Variants in MAGI1 observed in about 807,000 individuals in gnomAD.
The protein encoded by MAGI1 is membrane-associated guanylate kinase, WW and PDZ domain-containing protein 1.
A neutral mutation model predicts 139.9 loss-of-function variants in MAGI1; 58 were observed. That is an observed-to-expected ratio of 0.41 (90% CI 0.34 to 0.52). The LOEUF (loss-of-function observed/expected upper bound fraction) is 0.52. MAGI1 is among the 20% of genes least tolerant of loss of function. The probability of loss-of-function intolerance (pLI) is 0.12; values close to 1 mark genes in which losing one functional copy is unlikely to be tolerated. For synonymous variants in MAGI1, 812 were observed against 737.9 expected, an observed-to-expected ratio of 1.10 and a Z score of -1.63; for missense variants, 1,874 against 1,901.6, an observed-to-expected ratio of 0.99 and a Z score of 0.27.
Position 65,780,479 on chromosome 3 carries a change from G to A in MAGI1, c.314-158391C>T, listed in dbSNP as rs80177407. ...GGAGATTCAAACGACTAACAATGAG[G>A]TCCAAAACTATTGAGAGAAGAGCCC... On this transcript the variant is annotated intron_variant, in intron 1 of 22. Coordinates refer to ENST00000402939, the MANE Select transcript of MAGI1 (RefSeq NM_001033057.2). Among the ~76,000 whole-genome samples, 38 of 152,208 alleles carry A rather than the reference G, an allele frequency of 2.5e-4. 1 individual carries two copies. In the East Asian group the frequency reaches 6.6e-3, roughly 26 times the overall value.
At position 65,429,617 on chromosome 3, in the gene MAGI1, A is replaced by C. The variant is rs781646475; in HGVS notation, c.2070T>G (p.Asn690Lys). 3.2e-5 allele frequency: 52 copies of C among 1,613,936 alleles called. 1 individual carries two copies. Among genetic ancestry groups the C allele is most frequent in the South Asian group, 8.8e-5 (8 of 91,078 alleles). The stretch of plus-strand genomic sequence containing the variant: ...GAGTTAGGGCCTGCACGTTCTTCTT[A>C]TTAACTTCCACTATGAGATCCCCTT... ...LKEGDLIVEV[N>K]KKNVQALTHN... The change falls in exon 12 of 23, where the codon AAT becomes AAG. Residue 690 changes from asparagine (N) to lysine (K), a missense_variant. By Grantham distance (94) the Asn-to-Lys change is moderately conservative. This residue lies in a region of MAGI1 where 482 missense variants were observed against 509.6 expected (regional missense o/e 0.95). Transcript: ENST00000402939.
intron 18 of MAGI1, among the ~76,000 whole-genome samples, chr3:65,371,124 A>G (rs1941943197): frequency 6.6e-6 from 1 of 152,206 alleles, no homozygotes. Flanking sequence ...AGATTGACCA[A>G]TTATAAACCC....
At chr3:65,840,148 ATTT>A (rs34338889) in intron 1 of MAGI1, among the ~76,000 whole-genome samples, 1 of 147,454 alleles carries the variant, frequency 6.8e-6, no homozygotes. Context: ...TAGTTCTAAG[ATTT>A]TTTTTTTTTT....
chr3:65,457,251 T>C (rs1035471137), intron 5 of MAGI1, among the ~76,000 whole-genome samples: 16 of 152,228 alleles, frequency 1.1e-4, no homozygotes, highest in Non-Finnish European at 2.2e-4. Flanking sequence ...AATCATTGTA[T>C]GTAATACTTT....
At chr3:65,502,852 G>A (rs550114240) in intron 2 of MAGI1, among the ~76,000 whole-genome samples, 69 of 152,274 alleles carry the variant, frequency 4.5e-4, no homozygotes, top group African/African-American at 1.6e-3. Flanking sequence ...TGTGGGTAAG[G>A]TGGTCATGGT....
At chr3:65,509,136 T>C (rs1403941521) in intron 2 of MAGI1, among the ~76,000 whole-genome samples, 1 of 151,540 alleles carries the variant, frequency 6.6e-6, no homozygotes, top group Non-Finnish European at 1.5e-5. Context: ...GTCAAAGTGT[T>C]TAATTGAAGC....
chr3:65,708,532 A>G (rs920943404), intron 1 of MAGI1, among the ~76,000 whole-genome samples: 5 of 152,116 alleles, frequency 3.3e-5, no homozygotes, highest in Admixed American at 2.6e-4. Flanking sequence ...TTTGGGGAGA[A>G]AGTGCTCAAT....
At chr3:65,937,886 G>A (rs964347856) in intron 1 of MAGI1, among the ~76,000 whole-genome samples, 10 of 152,004 alleles carry the variant, frequency 6.6e-5, no homozygotes, top group Admixed American at 3.3e-4. Flanking sequence ...CTATCATTCC[G>A]TTTGTTGGAA....
At chr3:65,405,193 T>C (rs1293985115) in intron 12 of MAGI1, among the ~76,000 whole-genome samples, 1 of 152,160 alleles carries the variant, frequency 6.6e-6, no homozygotes, top group Non-Finnish European at 1.5e-5. Flanking sequence ...GACTTGAGTA[T>C]CTAAAGTTCT....
At chr3:65,595,389 T>G (rs909054229) in intron 2 of MAGI1, among the ~76,000 whole-genome samples, 3 of 152,188 alleles carry the variant, frequency 2.0e-5, no homozygotes, top group Non-Finnish European at 2.9e-5. Context: ...ATAAAGCCCA[T>G]GTGAAACTGT....
intron 10 of MAGI1, among the ~76,000 whole-genome samples, chr3:65,434,122 A>C (rs938235653): frequency 1.3e-5 from 2 of 152,218 alleles, no homozygotes; most frequent in African/African-American, 4.8e-5. Flanking sequence ...ACAGAAGTTA[A>C]ACTATTCCTC....
chr3:65,654,443 G>A (rs953325236), intron 1 of MAGI1, among the ~76,000 whole-genome samples: 1 of 152,148 alleles, frequency 6.6e-6, no homozygotes, highest in Admixed American at 6.6e-5. Flanking sequence ...TATCATGACT[G>A]TAAACAAAGA....
chr3:65,546,961 C>A lies in MAGI1; in HGVS notation c.431-53330G>T, dbSNP rs59667163. 8.9e-3 allele frequency among the ~76,000 whole-genome samples: 1,351 copies of A among 152,266 alleles called. 17 individuals carry two copies. Among genetic ancestry groups the A allele is most frequent in the African/African-American group, 0.03 (1,244 of 41,552 alleles). ...CGTGTATATATGTATGCATTTGTGT[C>A]TATGCATACATGTGAGGATGCATGT... On this transcript the variant is annotated intron_variant, in intron 2 of 22. Coordinates refer to ENST00000402939, the MANE Select transcript of MAGI1 (RefSeq NM_001033057.2).
intron 1 of MAGI1, among the ~76,000 whole-genome samples, chr3:65,723,134 T>C (rs149142624): frequency 6.6e-6 from 1 of 152,268 alleles, no homozygotes; most frequent in Non-Finnish European, 1.5e-5. Flanking sequence ...CCTTAGAGTC[T>C]GAACTAGTGG....
chr3:65,920,694 T>TC (rs1165083620), intron 1 of MAGI1, among the ~76,000 whole-genome samples: 1 of 152,104 alleles, frequency 6.6e-6, no homozygotes, highest in African/African-American at 2.4e-5. Flanking sequence ...TGAATTACCC[T>TC]CCCCCCATGG....
At chr3:65,415,660 G>C (rs1946159422) in intron 12 of MAGI1, among the ~76,000 whole-genome samples, 1 of 152,216 alleles carries the variant, frequency 6.6e-6, no homozygotes, top group Non-Finnish European at 1.5e-5. Flanking sequence ...TAACCCAGAA[G>C]TGGATTTCAT....
At chr3:65,765,486 A>T (rs1395594184) in intron 1 of MAGI1, among the ~76,000 whole-genome samples, 1 of 152,350 alleles carries the variant, frequency 6.6e-6, no homozygotes, top group East Asian at 1.9e-4. Context: ...ATAATAAAGA[A>T]AATTGAATTT....
chr3:65,934,980 C>T (rs1470664592), intron 1 of MAGI1, among the ~76,000 whole-genome samples: 4 of 151,482 alleles, frequency 2.6e-5, no homozygotes, highest in African/African-American at 9.7e-5. Flanking sequence ...TCAGGAAAGA[C>T]AAAACAAAAA....
At chr3:65,389,031 G>T (rs1246697035) in intron 14 of MAGI1, among the ~76,000 whole-genome samples, 1 of 151,428 alleles carries the variant, frequency 6.6e-6, no homozygotes, top group Non-Finnish European at 1.5e-5. Context: ...TTTTAGCAGA[G>T]ACGGGGTTTC....
Sources: allele counts gnomAD v4.1 joint callset (sites outside exome capture counted in the v4.1 genomes callset), GRCh38; gene constraint gnomAD v4.1.1; regional missense constraint gnomAD v4.1.1; transcripts MANE v1.5; gene names NCBI Gene and HGNC (gene_info 2026-07-23, HGNC 2026-07-21).